The following EVC variants were observed in gnomAD, a reference collection of about 807,000 sequenced individuals.
EVC encodes the protein evC complex member EVC.
A neutral mutation model predicts 118.9 loss-of-function variants in EVC; 116 were observed. That is an observed-to-expected ratio of 0.98 (90% confidence interval 0.84 to 1.14). The LOEUF (loss-of-function observed/expected upper bound fraction) is 1.14, where lower values mean the gene tolerates loss of function less well. Ranked by LOEUF, EVC falls within the 50% of genes most tolerant of loss-of-function variation. The pLI is 0.00. For synonymous variants in EVC, 619 were observed against 534.7 expected, an observed-to-expected ratio of 1.16 and a Z score of -2.18; for missense variants, 1,401 against 1,246.4, an observed-to-expected ratio of 1.12 and a Z score of -1.87.
At chr4:5,823,758 G>A in the EVC span, among the ~76,000 whole-genome samples, 7 of 152,100 alleles carry the variant, frequency 4.6e-5, no homozygotes, top group Non-Finnish European at 7.3e-5. Flanking sequence ...CGCTGGCACC[G>A]TGCTGCTTGT....
rs6812234 is a variant in EVC at position 5,752,628 on chromosome 4, C to T, written c.1099-208C>T. ...ATGCTAAGCTGCGTCAGCCTCCCCG[C>T]ACCCTAGGAGAGACACTTAATCCCC... On this transcript the variant is annotated intron_variant, in intron 8 of 20. Coordinates refer to ENST00000264956, the MANE Select transcript of EVC (RefSeq NM_153717.3). The T allele has an allele frequency of 0.36, 233,524 of 639,874 alleles. 44,589 individuals are homozygous for T. Among genetic ancestry groups the T allele is most frequent in the East Asian group, 0.51 (18,554 of 36,436 alleles). 39.6% of individuals were successfully genotyped at this position (639,874 alleles called of 1,614,324 possible). A position where few individuals can be genotyped will look rare whatever the true frequency, so the allele number is the denominator to read the frequency against.
Position 5,711,444 on chromosome 4 carries a change from C to T in EVC, c.64C>T (p.Arg22Trp), listed in dbSNP as rs1267604048. The change falls in exon 1 of 21, where the codon CGG (arginine) becomes TGG (tryptophan). Residue 22 changes from arginine to tryptophan, a missense_variant. Coordinates refer to ENST00000264956, the MANE Select transcript of EVC (RefSeq NM_153717.3). ...GCTGCTGCTGGGGCGGGACGCGCTG[C>T]GGCCGGCGCCCGCCCTGCTGGCCCC... is the stretch of plus-strand genomic sequence containing the variant. ...ARLLLGRDALRPAPALLAPAV... is the reference protein window; with the variant it reads ...ARLLLGRDALWPAPALLAPAV... The T allele has an allele frequency of 9.8e-7, 1 of 1,024,258 alleles. No individual in the cohort carries two copies. The allele number at this position is 1,024,258 out of a possible 1,614,324, so 63.4% of individuals were successfully genotyped here. A position where few individuals can be genotyped will look rare whatever the true frequency, so the allele number is the denominator to read the frequency against.
chr4:5,760,763 G>A (rs1478013111), intron 11 of EVC, among the ~76,000 whole-genome samples: 1 of 152,104 alleles, frequency 6.6e-6, no homozygotes, highest in African/African-American at 2.4e-5. Flanking sequence ...CGTTGGTCAG[G>A]CTGGTCTCGA....
At chr4:5,827,837 T>C in the EVC span, among the ~76,000 whole-genome samples, 1 of 152,116 alleles carries the variant, frequency 6.6e-6, no homozygotes, top group South Asian at 2.1e-4. Flanking sequence ...CTGGGGAAGA[T>C]GTTGGCCACG....
At chr4:5,745,056 T>A in intron 6 of EVC, 148 bp from the exon 7 acceptor site, 1 of 694,250 alleles carries the variant, frequency 1.4e-6, no homozygotes. Flanking sequence ...GGGTCAAACC[T>A]CATGTACAAC....
At chr4:5,753,150 A>C (rs1056791381) in intron 9 of EVC, 98 bp downstream of exon 9, 2 of 1,182,456 alleles carry the variant, frequency 1.7e-6, no homozygotes, top group Non-Finnish European at 2.4e-6. Context: ...CAGTGTGCCC[A>C]TGATGCCGGG....
chr4:5,737,621 C>A lies in EVC; in HGVS notation c.703-4095C>A, dbSNP rs1237967715. ...AGTCCTAGGGCCCTTAAGGGTGATG[C>A]TAAATCTACTCTGCCTGTGCTCTAT... On this transcript the variant is annotated intron_variant, in intron 5 of 20. Coordinates refer to ENST00000264956, the MANE Select transcript of EVC (RefSeq NM_153717.3). The surrounding 1 kb of genome is among the most constrained non-coding windows in gnomAD (Gnocchi z 5.0). 6.6e-6 allele frequency among the ~76,000 whole-genome samples: 1 copy of A among 152,170 alleles called. No homozygotes were observed. Among genetic ancestry groups the A allele is most frequent in the African/African-American group, 2.4e-5 (1 of 41,428 alleles).
intron 2 of EVC, among the ~76,000 whole-genome samples, chr4:5,721,537 G>A (rs1302802748): frequency 6.8e-6 from 1 of 147,882 alleles, no homozygotes; most frequent in African/African-American, 2.4e-5. Flanking sequence ...CAGTGAAAGA[G>A]GACAGGGTTT....
chr4:5,741,343 A>C (rs575888776), intron 5 of EVC, among the ~76,000 whole-genome samples: 17 of 152,154 alleles, frequency 1.1e-4, no homozygotes, highest in African/African-American at 4.1e-4. Flanking sequence ...GTTCCATACA[A>C]CTATCCCGCT....
At chr4:5,783,165 G>T (rs538602275) in intron 11 of EVC, among the ~76,000 whole-genome samples, 8 of 152,238 alleles carry the variant, frequency 5.3e-5, no homozygotes, top group African/African-American at 1.9e-4. Context: ...GTGTATGTGT[G>T]CACTTGTCTA....
At chr4:5,816,938 C>G (rs1717799113), downstream of EVC, among the ~76,000 whole-genome samples, 1 of 152,144 alleles carries the variant, frequency 6.6e-6, no homozygotes, top group Admixed American at 6.5e-5. Context: ...CCAGGCAACC[C>G]TAGAGAACTG....
intron 2 of EVC, among the ~76,000 whole-genome samples, chr4:5,727,322 G>T (rs1418778803): frequency 3.9e-5 from 6 of 152,284 alleles, no homozygotes; most frequent in East Asian, 3.9e-4. Context: ...CTGATGGCCA[G>T]TGATGATGAG....
intron 11 of EVC, among the ~76,000 whole-genome samples, chr4:5,776,849 G>T (rs1298163589): frequency 6.8e-6 from 1 of 147,550 alleles, no homozygotes; most frequent in Admixed American, 6.7e-5. Context: ...AGAACTGCTA[G>T]TTGGCTCTTT....
chr4:5,820,561 C>T, the EVC span, among the ~76,000 whole-genome samples: 2 of 152,092 alleles, frequency 1.3e-5, no homozygotes, highest in Admixed American at 6.5e-5. Flanking sequence ...TGTGGAAGCC[C>T]GCCCATCAGC....
intron 11 of EVC, among the ~76,000 whole-genome samples, chr4:5,783,030 C>T (rs1467476923): frequency 1.3e-5 from 2 of 151,982 alleles, no homozygotes; most frequent in African/African-American, 4.8e-5. Flanking sequence ...TGAAGCTTGG[C>T]TGAGTGGGGT....
chr4:5,828,434 G>A, the EVC span: 1 of 1,585,090 alleles, frequency 6.3e-7, no homozygotes, highest in Non-Finnish European at 8.6e-7. Flanking sequence ...TTCCCCAAGA[G>A]ACGCTGTCGG....
In EVC at chr4:5,731,709, C is replaced by T. The variant is rs772268593; in HGVS notation, c.617+52C>T. The T allele has an allele frequency of 2.0e-6, 3 of 1,501,334 alleles. No individual in the cohort carries two copies. Among genetic ancestry groups the T allele is most frequent in the East Asian group, 2.4e-5 (1 of 42,150 alleles). 93.0% of individuals were successfully genotyped at this position (1,501,334 alleles called of 1,614,324 possible). On this transcript the variant is annotated intron_variant, in intron 4 of 20. Transcript: ENST00000264956. This position sits in a 1 kb window ranked among gnomAD's most constrained non-coding sequence, Gnocchi z 5.6. ...AGGCTTCCAGTCCTCTTGGAGTGGG[C>T]CGGGAGTCACATCATTGTCAGAGGA...
chr4:5,810,541 C>T (rs1223103961), intron 20 of EVC, 91 bp downstream of exon 20: 3 of 916,146 alleles, frequency 3.3e-6, no homozygotes, highest in Non-Finnish European at 5.3e-6. Context: ...GGAAAATCAT[C>T]AGTCCCCTCA....
chr4:5,803,090 G>A (rs2152366741), intron 16 of EVC, among the ~76,000 whole-genome samples: 1 of 152,332 alleles, frequency 6.6e-6, no homozygotes, highest in East Asian at 1.9e-4. Context: ...CCACCCTGGG[G>A]TGATAGAAAG....
Sources: gnomAD v4.1 joint callset for allele counts (sites outside exome capture counted in the v4.1 genomes callset) on GRCh38, gnomAD v4.1.1 for gene constraint, Gnocchi (gnomAD v3.1) non-coding constraint, MANE v1.5 for transcripts, NCBI Gene and HGNC (gene_info 2026-07-23, HGNC 2026-07-21) for gene names.